The following SETD5 variants were observed in gnomAD, a reference collection of about 807,000 sequenced individuals.
SETD5 encodes the protein histone-lysine N-methyltransferase SETD5.
SETD5 carries 44 observed loss-of-function variants against 153.3 expected under a neutral mutation model. That is an observed-to-expected ratio of 0.29 (90% CI 0.23 to 0.37). The LOEUF (loss-of-function observed/expected upper bound fraction) is 0.37. Among genes scored for constraint, SETD5 ranks in the 10% least tolerant of loss-of-function variants. The probability of loss-of-function intolerance (pLI) is 1.00; values close to 1 mark genes in which losing one functional copy is unlikely to be tolerated. For missense variants in SETD5, 1,544 were observed against 1,768.0 expected, an observed-to-expected ratio of 0.87 and a Z score of 2.27; for synonymous variants, 716 against 645.2, an observed-to-expected ratio of 1.11 and a Z score of -1.66.
intron 1 of SETD5, among the ~76,000 whole-genome samples, chr3:9,413,649 G>GGGGGT (rs200761097): frequency 7.1e-6 from 1 of 140,366 alleles, no homozygotes; most frequent in Non-Finnish European, 1.5e-5. Flanking sequence ...GGGGAGGCGG[G>GGGGGT]GTGTGTGTGT....
At position 9,425,594 on chromosome 3, in the gene SETD5, T is replaced by G. The variant is rs75216544; in HGVS notation, c.-117+1068T>G. On this transcript the variant is annotated intron_variant, in intron 2 of 22. Transcript: ENST00000402198. ...ACTGTACTTTTTTTTTTTTTTTTTT[T>G]GGAGAAAGAGTTTCACTTTTGCTCA... Among the ~76,000 whole-genome samples the G allele has an allele frequency of 2.8e-5, 4 of 141,534 alleles. No homozygotes were observed. The East Asian group carries it at 8.0e-4, about 28-fold the overall frequency. 92.9% of individuals were successfully genotyped at this position (141,534 alleles called of 152,430 possible).
In SETD5 at chr3:9,397,681, C is replaced by CGCT. The variant is rs1553601508; in HGVS notation, c.-471_-470insTGC. On this transcript the variant is annotated 5_prime_UTR_variant, in exon 1 of 23. Transcript: ENST00000402198. ...CCGCCGCCGCCGCCGCCGCCGCCGC[C>CGCT]GCCGCTGCCGGGGGAGGGGCGGCCG... 293 of 178,808 alleles carry CGCT rather than the reference C, an allele frequency of 1.6e-3. 3 individuals carry two copies. The East Asian group carries it at 0.04, about 25-fold the overall frequency. 11.1% of individuals were successfully genotyped at this position (178,808 alleles called of 1,614,324 possible). A position where few individuals can be genotyped will look rare whatever the true frequency, so the allele number is the denominator to read the frequency against.
At chr3:9,448,315 A>G (rs2042248447) in intron 15 of SETD5, 73 bp from the exon 16 acceptor site, 8 of 1,543,698 alleles carry the variant, frequency 5.2e-6, no homozygotes, top group Non-Finnish European at 7.0e-6. Context: ...CCTAGTTTCT[A>G]GATGACGTTT....
intron 16 of SETD5, 50 bp from the exon 17 acceptor site, chr3:9,453,689 A>T: frequency 6.6e-7 from 1 of 1,520,126 alleles, no homozygotes; most frequent in African/African-American, 1.4e-5. Flanking sequence ...CAGGTGCACT[A>T]AATAGTTTTA....
intron 3 of SETD5, chr3:9,430,310 A>G: frequency 2.0e-6 from 2 of 982,754 alleles, no homozygotes; most frequent in Non-Finnish European, 2.4e-6. Context: ...AATAGTATAT[A>G]ATATTCTGGG....
chr3:9,430,129 A>G (rs1470918787), intron 3 of SETD5: 20 of 1,021,916 alleles, frequency 2.0e-5, no homozygotes, highest in Non-Finnish European at 2.2e-5. Context: ...CAGCAAAGCA[A>G]AGCAACTGTA....
chr3:9,438,717 AG>A (rs2040899960), intron 7 of SETD5, among the ~76,000 whole-genome samples: 1 of 152,212 alleles, frequency 6.6e-6, no homozygotes, highest in African/African-American at 2.4e-5. Context: ...ATTGTAAATC[AG>A]GGTTTCTCAG....
At chr3:9,440,032 C>T (rs2041075913) in intron 7 of SETD5, among the ~76,000 whole-genome samples, 1 of 152,148 alleles carries the variant, frequency 6.6e-6, no homozygotes, top group African/African-American at 2.4e-5. Context: ...ACACTTAACA[C>T]AGATATTCAG....
At chr3:9,452,939 A>T (rs1331893041) in intron 16 of SETD5, among the ~76,000 whole-genome samples, 1 of 152,126 alleles carries the variant, frequency 6.6e-6, no homozygotes, top group African/African-American at 2.4e-5. Context: ...ATCTTAAGAG[A>T]ACACAATTAC....
chr3:9,400,738 G>C (rs1428282025), intron 1 of SETD5, among the ~76,000 whole-genome samples: 1 of 152,178 alleles, frequency 6.6e-6, no homozygotes, highest in Non-Finnish European at 1.5e-5. Flanking sequence ...CATCTGAAAT[G>C]TAGGACAGAC....
chr3:9,442,323 C>T, intron 10 of SETD5, 78 bp downstream of exon 10: 1 of 1,030,764 alleles, frequency 9.7e-7, no homozygotes. Context: ...GTGAAAACTT[C>T]ACTCAGATAA....
rs927691601 is a variant in SETD5 at position 9,428,820 on chromosome 3, C to T, written c.-116-3C>T. On this transcript the variant is annotated splice_region_variant and splice_polypyrimidine_tract_variant and intron_variant, in intron 2 of 22. Transcript: ENST00000402198. ...TACTAGATATTTTCCTTTTCTGTTACAGGATTCCTCATGTCCATAACATGT... is the reference window on the plus strand; with the variant it reads ...TACTAGATATTTTCCTTTTCTGTTATAGGATTCCTCATGTCCATAACATGT... 12 of 510,376 alleles carry T rather than the reference C, an allele frequency of 2.4e-5. No homozygotes were observed. Among genetic ancestry groups the T allele is most frequent in the Middle Eastern group, 3.0e-4 (1 of 3,358 alleles). 31.6% of individuals were successfully genotyped at this position (510,376 alleles called of 1,614,324 possible).
intron 12 of SETD5, 138 bp downstream of exon 12, chr3:9,445,438 C>G: frequency 9.7e-7 from 1 of 1,028,632 alleles, no homozygotes; most frequent in Non-Finnish European, 1.4e-6. Flanking sequence ...TTATTGTGTT[C>G]ATACATTTCT....
At chr3:9,475,342 G>A (rs2045751167) in intron 22 of SETD5, 141 bp from the exon 23 acceptor site, 3 of 1,274,674 alleles carry the variant, frequency 2.4e-6, no homozygotes, top group Admixed American at 2.8e-5. Flanking sequence ...ATCAAAGACA[G>A]ACATTTTACT....
intron 1 of SETD5, among the ~76,000 whole-genome samples, chr3:9,420,845 A>G (rs1332093290): frequency 1.5e-5 from 2 of 136,772 alleles, no homozygotes; most frequent in Admixed American, 7.1e-5. Context: ...TTTTTTTTTC[A>G]TGTTTCTCAC....
chr3:9,406,462 G>T (rs2035682998), intron 1 of SETD5, among the ~76,000 whole-genome samples: 1 of 152,230 alleles, frequency 6.6e-6, no homozygotes, highest in South Asian at 2.1e-4. Flanking sequence ...AATAAATCTG[G>T]CCGGGCGCGG....
chr3:9,444,987 G>T, intron 11 of SETD5, 61 bp from the exon 12 acceptor site: 1 of 1,570,616 alleles, frequency 6.4e-7, no homozygotes, highest in Non-Finnish European at 8.6e-7. Context: ...AGGGTGAATG[G>T]ATAATGTAAC....
chr3:9,472,850 C>T (rs1175465305), intron 19 of SETD5, among the ~76,000 whole-genome samples: 1 of 152,138 alleles, frequency 6.6e-6, no homozygotes, highest in African/African-American at 2.4e-5. Context: ...ACTATACAAG[C>T]TTCCAATTCT....
At position 9,464,514 on chromosome 3, in the gene SETD5, C is replaced by T; in HGVS notation, c.2566C>T (p.Pro856Ser). 4 of 1,614,000 alleles carry T rather than the reference C, an allele frequency of 2.5e-6. No individual in the cohort carries two copies. Among genetic ancestry groups the T allele is most frequent in the Non-Finnish European group, 3.4e-6 (4 of 1,179,878 alleles). Residue 856 changes from proline to serine, a missense_variant, in exon 18 of 23, where the codon CCA becomes TCA. Coordinates refer to ENST00000402198, the MANE Select transcript of SETD5 (RefSeq NM_001080517.3). Reference sequence around the variant, plus strand: ...ACTTCGGCCTCTGTCTCCAGTCACACCACCCCCTCCCAATTCAGGCTCAAA... The same window carrying T: ...ACTTCGGCCTCTGTCTCCAGTCACATCACCCCCTCCCAATTCAGGCTCAAA... Reference protein sequence around the residue: ...KLLRPLSPVTPPPPNSGSKSP... With the variant: ...KLLRPLSPVTSPPPNSGSKSP...
Sources: gnomAD v4.1 joint callset for allele counts (sites outside exome capture counted in the v4.1 genomes callset) on GRCh38, gnomAD v4.1.1 for gene constraint, MANE v1.5 for transcripts, NCBI Gene and HGNC (gene_info 2026-07-23, HGNC 2026-07-21) for gene names.